LOXL4: variants seen among roughly 807,000 people sequenced by gnomAD.
LOXL4 encodes lysyl oxidase homolog 4.
A neutral mutation model predicts 89.1 loss-of-function variants in LOXL4; 72 were observed. The ratio of observed to expected loss-of-function variants is 0.81; its 90% CI spans 0.67 to 0.98. The LOEUF (loss-of-function observed/expected upper bound fraction) is 0.98. Ranked by LOEUF, LOXL4 falls within the 50% of genes least tolerant of loss-of-function variation. The pLI is 0.00. For synonymous variants in LOXL4, 355 were observed against 392.1 expected, an observed-to-expected ratio of 0.91 and a Z score of 1.12; for missense variants, 984 against 1,017.5, an observed-to-expected ratio of 0.97 and a Z score of 0.45.
chr10:98,256,963 G>A lies in LOXL4; in HGVS notation c.1261-16C>T, dbSNP rs201310799. ...CCAAGCGCACCTGCAATGGCGAGGG[G>A]TGTGTGAGGAGTGGGGTAGCCTTGC... On this transcript the variant is annotated splice_polypyrimidine_tract_variant and intron_variant, in intron 8 of 14. Transcript: ENST00000260702. 6.2e-7 allele frequency: 1 copy of A among 1,611,990 alleles called. No homozygotes were observed. The highest frequency in any genetic ancestry group is 1.1e-5 in the South Asian group (1 of 90,862).
intron 3 of LOXL4, 129 bp downstream of exon 3, chr10:98,261,906 G>T: frequency 1.0e-6 from 1 of 975,066 alleles, no homozygotes. Flanking sequence ...GGAGTCGGCG[G>T]CCTGGGGACG....
In LOXL4 at chr10:98,257,726, C is replaced by G. The variant is rs760697880; in HGVS notation, c.1184G>C (p.Gly395Ala). ...CTCATGTTGGCAACCATTCTGGGAC[C>G]CTTCCAGGGCAGGGCAGTCGCTGAG... is the stretch of plus-strand genomic sequence containing the variant. ...RTLSDCPALE[G>A]SQNGCQHEND... The change falls in exon 8 of 15, where the codon GGG becomes GCG. Residue 395 changes from glycine (G) to alanine (A), a missense_variant. Coordinates refer to ENST00000260702, the MANE Select transcript of LOXL4 (RefSeq NM_032211.7). 1 of 1,614,114 alleles carries G rather than the reference C, an allele frequency of 6.2e-7. No individual in the cohort carries two copies. Among genetic ancestry groups the G allele is most frequent in the South Asian group, 1.1e-5 (1 of 91,080 alleles).
intron 1 of LOXL4, among the ~76,000 whole-genome samples, chr10:98,267,012 A>C (rs1490194080): frequency 6.6e-6 from 1 of 152,190 alleles, no homozygotes; most frequent in Non-Finnish European, 1.5e-5. Flanking sequence ...AGAGGGAAGG[A>C]AGGTGGAAGG....
chr10:98,252,522 G>C, intron 11 of LOXL4, 54 bp from the exon 12 acceptor site: 9 of 1,281,126 alleles, frequency 7.0e-6, no homozygotes, highest in Non-Finnish European at 1.0e-5. Flanking sequence ...GGTCCTCTCT[G>C]GAGGGGCTGG....
chr10:98,251,882 T>C, intron 12 of LOXL4, 180 bp from the exon 13 acceptor site: 1 of 701,202 alleles, frequency 1.4e-6, no homozygotes, highest in East Asian at 2.8e-5. Context: ...TAGGATTTGT[T>C]TGACTGCTCC....
chr10:98,250,574 C>G (rs1324953666), intron 14 of LOXL4, among the ~76,000 whole-genome samples: 7 of 152,178 alleles, frequency 4.6e-5, no homozygotes, highest in African/African-American at 1.7e-4. Context: ...CCCACTGGAT[C>G]ATGATGCTTC....
At chr10:98,260,028 C>T (rs1858494517) in intron 4 of LOXL4, among the ~76,000 whole-genome samples, 1 of 152,234 alleles carries the variant, frequency 6.6e-6, no homozygotes, top group African/African-American at 2.4e-5. Context: ...TGGCAGATGA[C>T]TCAGACGTAC....
At chr10:98,261,148 T>C in intron 3 of LOXL4, 21 bp from the exon 4 acceptor site, 1 of 1,606,352 alleles carries the variant, frequency 6.2e-7, no homozygotes, top group Non-Finnish European at 8.5e-7. Flanking sequence ...CACAGTCACC[T>C]GTGGGCCTCG....
chr10:98,258,112 TCCA>T lies in LOXL4; in HGVS notation c.971_973del (p.Val324del). On this transcript the variant is annotated inframe_deletion, in exon 7 of 15. Transcript: ENST00000260702. The stretch of plus-strand genomic sequence containing the variant: ...GCCCCACTGGCGGTTCATGAGCACT[TCCA>T]CCCGGCCCTCGCCCACCTGGGCCCC... 6.2e-7 allele frequency: 1 copy of T among 1,613,396 alleles called. No individual in the cohort carries two copies. Among genetic ancestry groups the T allele is most frequent in the Non-Finnish European group, 8.5e-7 (1 of 1,179,988 alleles).
intron 14 of LOXL4, among the ~76,000 whole-genome samples, chr10:98,249,264 C>T (rs565257678): frequency 1.3e-5 from 2 of 152,316 alleles, no homozygotes; most frequent in Admixed American, 1.3e-4. Flanking sequence ...CCCTCTGTGC[C>T]CTAGGAAGCT....
In LOXL4 at chr10:98,251,566, C is replaced by T. The variant is rs1858193047; in HGVS notation, c.2088G>A (p.Gln696=). The change falls in exon 13 of 15, where the codon CAG becomes CAA. Residue 696 remains glutamine, a splice_region_variant and synonymous_variant. Coordinates refer to ENST00000260702, the MANE Select transcript of LOXL4 (RefSeq NM_032211.7). The part of the protein sequence containing the change: ...TDVGPGNYIF[Q]VIVNPHYEVA... ...GTGGGGAATCCCCCAGCCGCCTTAC[C>T]TGGAAGATATAATTCCCGGGGCCCA... 6.2e-7 allele frequency: 1 copy of T among 1,613,968 alleles called. No individual in the cohort carries two copies. Among genetic ancestry groups the T allele is most frequent in the African/African-American group, 1.3e-5 (1 of 74,938 alleles).
At chr10:98,257,884 A>T in intron 7 of LOXL4, 80 bp from the exon 8 acceptor site, 1 of 1,578,268 alleles carries the variant, frequency 6.3e-7, no homozygotes, top group Admixed American at 1.7e-5. Context: ...ACAGAGGGGG[A>T]TAACTTTCTG....
At chr10:98,262,700 T>G in intron 2 of LOXL4, 43 bp downstream of exon 2, 1 of 1,589,454 alleles carries the variant, frequency 6.3e-7, no homozygotes, top group African/African-American at 1.3e-5. Flanking sequence ...AGAAGACTGT[T>G]ACCATCTCCT....
chr10:98,263,010 A>C lies in LOXL4; in HGVS notation c.10T>G (p.Ser4Ala). 1 of 1,613,190 alleles carries C rather than the reference A, an allele frequency of 6.2e-7. No individual in the cohort carries two copies. Among genetic ancestry groups the C allele is most frequent in the Non-Finnish European group, 8.5e-7 (1 of 1,179,776 alleles). The change falls in exon 2 of 15, where the codon TCC becomes GCC. Residue 4 changes from serine (S) to alanine (A), a missense_variant. Coordinates refer to ENST00000260702, the MANE Select transcript of LOXL4 (RefSeq NM_032211.7). The part of the protein sequence containing the change: MAW[S>A]PPATLFLFLL... ...AACAGAAAGAGGGTGGCTGGTGGGGACCACGCCATGGTGACTTCAAGGACA... is the reference window on the plus strand; with the variant it reads ...AACAGAAAGAGGGTGGCTGGTGGGGCCCACGCCATGGTGACTTCAAGGACA...
chr10:98,255,978 A>G, intron 9 of LOXL4: 1 of 467,806 alleles, frequency 2.1e-6, no homozygotes, highest in Non-Finnish European at 3.8e-6. Context: ...GGCTTCCACT[A>G]CTGGCCCTAC....
intron 11 of LOXL4, 52 bp downstream of exon 11, chr10:98,253,501 C>T (rs923804758): frequency 1.2e-6 from 2 of 1,611,616 alleles, no homozygotes; most frequent in Non-Finnish European, 1.7e-6. Flanking sequence ...GCTCCCTGGA[C>T]CCTGCTTTTT....
chr10:98,265,033 A>G (rs1858645407), intron 1 of LOXL4, among the ~76,000 whole-genome samples: 1 of 152,206 alleles, frequency 6.6e-6, no homozygotes, highest in African/African-American at 2.4e-5. Flanking sequence ...AAGTTCTGGG[A>G]ATGAAGCTCC....
chr10:98,256,659 T>C, intron 9 of LOXL4, 121 bp downstream of exon 9: 1 of 1,120,922 alleles, frequency 8.9e-7, no homozygotes, highest in African/African-American at 1.6e-5. Flanking sequence ...TGTCGGCTCA[T>C]AGTTTCACTC....
At chr10:98,260,815 T>A in intron 4 of LOXL4, 107 bp downstream of exon 4, 1 of 1,205,988 alleles carries the variant, frequency 8.3e-7, no homozygotes, top group Non-Finnish European at 1.2e-6. Context: ...GAGTCCACAC[T>A]CAGACTCATG....
Sources: gnomAD v4.1 joint callset for allele counts (sites outside exome capture counted in the v4.1 genomes callset) on GRCh38, gnomAD v4.1.1 for gene constraint, MANE v1.5 for transcripts, NCBI Gene and HGNC (gene_info 2026-07-23, HGNC 2026-07-21) for gene names.